Variants in CHN1 observed in about 807,000 individuals in gnomAD.
The protein encoded by CHN1 is chimerin 1, also known as N-chimaerin.
CHN1 carries 37 observed loss-of-function variants against 59.5 expected under a neutral mutation model. The ratio of observed to expected loss-of-function variants is 0.62; its 90% CI spans 0.48 to 0.82. The LOEUF (loss-of-function observed/expected upper bound fraction) is 0.82. CHN1 is among the 40% of genes least tolerant of loss of function. The pLI, the probability that CHN1 is intolerant of heterozygous loss-of-function variation, is 0.00. For missense variants in CHN1, 469 were observed against 571.0 expected (o/e 0.82, Z 1.82); for synonymous variants, 206 against 200.4 (o/e 1.03, Z -0.24).
rs57985375 is a variant in CHN1 at position 174,930,445 on chromosome 2, G to C, written c.115-11880C>G. Among the ~76,000 whole-genome samples, 1,292 of 152,194 alleles carry C rather than the reference G, an allele frequency of 8.5e-3. 25 individuals carry two copies. Among genetic ancestry groups the C allele is most frequent in the African/African-American group, 0.03 (1,230 of 41,520 alleles). On this transcript the variant is annotated intron_variant, in intron 3 of 12. Transcript: ENST00000409900. ...TTACGGCTCAGGGTGTTACCGGTGG[G>C]CTTACAAAAAGCAGGCATGAGCTCC...
intron 6 of CHN1, 120 bp from the exon 7 acceptor site, chr2:174,847,077 T>G (rs1387912308): frequency 4.5e-6 from 7 of 1,551,756 alleles, no homozygotes; most frequent in Middle Eastern, 3.3e-4. Flanking sequence ...TGTTTTGATT[T>G]GTGAACTGCA....
intron 3 of CHN1, among the ~76,000 whole-genome samples, chr2:174,944,554 A>G (rs1314766691): frequency 1.3e-4 from 20 of 152,216 alleles, no homozygotes. Flanking sequence ...TGTAAAAAAG[A>G]ATTCAATAAT....
At chr2:175,002,063 G>A (rs1324768529) in intron 1 of CHN1, among the ~76,000 whole-genome samples, 1 of 152,206 alleles carries the variant, frequency 6.6e-6, no homozygotes, top group African/African-American at 2.4e-5. Context: ...AAAAGACTCT[G>A]AAGTGCCACT....
chr2:174,938,086 C>T (rs1689550838), intron 3 of CHN1, among the ~76,000 whole-genome samples: 1 of 152,076 alleles, frequency 6.6e-6, no homozygotes, highest in South Asian at 2.1e-4. Flanking sequence ...TCAAGTGATC[C>T]TCCCGCCTCA....
In CHN1 at chr2:174,799,020, C is replaced by T. The variant is rs1247496291; in HGVS notation, c.*1096G>A. ...CCAGCCACCAGGTTGGCCTCTGGGGCTCATCTCTCAGGCAGCATTGTCAGC... is the reference window on the plus strand; with the variant it reads ...CCAGCCACCAGGTTGGCCTCTGGGGTTCATCTCTCAGGCAGCATTGTCAGC... On this transcript the variant is annotated 3_prime_UTR_variant, in exon 13 of 13. Transcript: ENST00000409900. 1.3e-5 allele frequency among the ~76,000 whole-genome samples: 2 copies of T among 152,194 alleles called. No homozygotes were observed. Among genetic ancestry groups the T allele is most frequent in the African/African-American group, 4.8e-5 (2 of 41,442 alleles).
Position 175,005,130 on chromosome 2 carries a change from G to C in CHN1, c.-218C>G. The C allele has an allele frequency of 3.1e-6, 4 of 1,310,240 alleles. No homozygotes were observed. In the South Asian group the frequency reaches 7.2e-5, roughly 23 times the overall value. The allele number at this position is 1,310,240 out of a possible 1,614,324, so 81.2% of individuals were successfully genotyped here. ...TTATTGTCGGGCGCACCGGGCCCAG[G>C]GAGCCCCGCTAGCTCTCCGCGAGCC... On this transcript the variant is annotated 5_prime_UTR_variant, in exon 1 of 13. Coordinates refer to ENST00000409900, the MANE Select transcript of CHN1 (RefSeq NM_001822.7).
At chr2:174,911,520 A>G (rs1688700519) in intron 5 of CHN1, among the ~76,000 whole-genome samples, 1 of 152,226 alleles carries the variant, frequency 6.6e-6, no homozygotes, top group African/African-American at 2.4e-5. Context: ...TCCTAAGTCA[A>G]GAGATGGAGC....
chr2:174,844,855 T>G (rs141080374), intron 7 of CHN1, among the ~76,000 whole-genome samples: 29 of 152,302 alleles, frequency 1.9e-4, no homozygotes, highest in African/African-American at 6.7e-4. Flanking sequence ...TGCAACTCAT[T>G]GTCTAAAATG....
At position 174,915,076 on chromosome 2, in the gene CHN1, G is replaced by T. The variant is rs752220191; in HGVS notation, c.242C>A (p.Thr81Asn). The T allele has an allele frequency of 4.3e-6, 7 of 1,609,646 alleles. No homozygotes were observed. The East Asian group carries it at 1.6e-4, about 36-fold the overall frequency. The change falls in exon 5 of 13, where the codon ACC (threonine) becomes AAC (asparagine). Residue 81 changes from threonine to asparagine, a missense_variant. Coordinates refer to ENST00000409900, the MANE Select transcript of CHN1 (RefSeq NM_001822.7). ...GACCAACCTTAAAGCCAAAGTGTAGGTCCCTGGCTGCCGCTGGCTCTCCCG... is the reference window on the plus strand; with the variant it reads ...GACCAACCTTAAAGCCAAAGTGTAGTTCCCTGGCTGCCGCTGGCTCTCCCG... ...LIRESQRQPG[T>N]YTLALRFGSQ...
chr2:174,944,825 G>A, intron 3 of CHN1, 63 bp downstream of exon 3: 2 of 1,159,926 alleles, frequency 1.7e-6, no homozygotes, highest in Non-Finnish European at 2.5e-6. Context: ...CACTGAAGAA[G>A]GTGAAAGTTT....
chr2:174,890,991 A>T (rs63456261), intron 5 of CHN1, among the ~76,000 whole-genome samples: 1 of 144,718 alleles, frequency 6.9e-6, no homozygotes, highest in Non-Finnish European at 1.5e-5. Flanking sequence ...AAAAAAAAAA[A>T]TTAGCCGGGT....
intron 1 of CHN1, among the ~76,000 whole-genome samples, chr2:174,982,140 T>C (rs1691174776): frequency 6.6e-6 from 1 of 152,262 alleles, no homozygotes; most frequent in Admixed American, 6.5e-5. Context: ...TCATTTTTTA[T>C]GACTGCATAG....
At chr2:174,844,654 G>A (rs185544301) in intron 7 of CHN1, among the ~76,000 whole-genome samples, 38 of 152,240 alleles carry the variant, frequency 2.5e-4, no homozygotes, top group South Asian at 1.9e-3. Flanking sequence ...CTAAGCGAGC[G>A]TCTGTGTGGG....
intron 1 of CHN1, among the ~76,000 whole-genome samples, chr2:174,956,414 G>T (rs576097140): frequency 1.3e-5 from 2 of 152,152 alleles, no homozygotes; most frequent in Non-Finnish European, 2.9e-5. Flanking sequence ...AAGAGCATCA[G>T]AGAAGGAATA....
chr2:174,809,352 T>C (rs1336405826), intron 10 of CHN1, among the ~76,000 whole-genome samples: 1 of 152,206 alleles, frequency 6.6e-6, no homozygotes, highest in African/African-American at 2.4e-5. Context: ...GAGCCCTCCA[T>C]GAGTGCAAGG....
chr2:174,978,133 G>A (rs114263572), intron 1 of CHN1, among the ~76,000 whole-genome samples: 2,925 of 152,258 alleles, frequency 0.019, 100 homozygotes, highest in African/African-American at 0.067. Flanking sequence ...TTCCAATTAC[G>A]TGAAAAATGT....
chr2:174,991,901 CAGAAATGAAAA>C (rs1403882017), intron 1 of CHN1, among the ~76,000 whole-genome samples: 1 of 152,018 alleles, frequency 6.6e-6, no homozygotes, highest in African/African-American at 2.4e-5. Flanking sequence ...GCGAGGAATA[CAGAAATGAAAA>C]AGAAATGAAT....
intron 2 of CHN1, among the ~76,000 whole-genome samples, chr2:174,948,163 G>T (rs1689901699): frequency 6.6e-6 from 1 of 152,154 alleles, no homozygotes; most frequent in Admixed American, 6.5e-5. Context: ...CATGTGTTTT[G>T]TTTGCTGTCT....
At chr2:174,818,306 T>C (rs886086074) in intron 8 of CHN1, among the ~76,000 whole-genome samples, 1 of 152,232 alleles carries the variant, frequency 6.6e-6, no homozygotes, top group Non-Finnish European at 1.5e-5. Flanking sequence ...GGACTGGATA[T>C]GAAGTCTTTG....
Sources: allele counts gnomAD v4.1 joint callset (sites outside exome capture counted in the v4.1 genomes callset), GRCh38; gene constraint gnomAD v4.1.1; transcripts MANE v1.5; gene names NCBI Gene and HGNC (gene_info 2026-07-23, HGNC 2026-07-21).